Variants in DCDC1 observed in about 807,000 individuals in gnomAD.
The protein encoded by DCDC1 is doublecortin domain containing 1.
A neutral mutation model predicts 178.3 loss-of-function variants in DCDC1; 200 were observed. The observed-to-expected ratio is 1.12, with a 90% confidence interval of 1.00 to 1.26. The LOEUF is 1.26. DCDC1 is among the 50% of genes most tolerant of loss of function. The pLI is 0.00. For synonymous variants in DCDC1, 690 were observed against 604.8 expected, an observed-to-expected ratio of 1.14 and a Z score of -2.07; for missense variants, 1,983 against 1,749.2, an observed-to-expected ratio of 1.13 and a Z score of -2.38.
intron 13 of DCDC1, among the ~76,000 whole-genome samples, chr11:31,105,095 A>G (rs1198769545): frequency 6.6e-6 from 1 of 152,080 alleles, no homozygotes; most frequent in African/African-American, 2.4e-5. Flanking sequence ...CATATTTCAA[A>G]CTAGACGGCA....
Position 31,355,577 on chromosome 11 carries a change from C to CT in DCDC1, c.-125+14119dup, listed in dbSNP as rs1321808086. ...GATCTTAACATTCTTTTTCTTTTTT[C>CT]TTTTTTTTAAGTCAGAGTCTTGCTC... On this transcript the variant is annotated intron_variant, in intron 1 of 38. Coordinates refer to ENST00000684477, the MANE Select transcript of DCDC1 (RefSeq NM_001387274.1). Among the ~76,000 whole-genome samples the CT allele has an allele frequency of 5.9e-5, 9 of 151,532 alleles. No homozygotes were observed. In the East Asian group the frequency reaches 1.2e-3, roughly 20 times the overall value.
chr11:31,088,668 C>A (rs891552710), intron 17 of DCDC1, among the ~76,000 whole-genome samples: 3 of 151,968 alleles, frequency 2.0e-5, no homozygotes, highest in South Asian at 2.1e-4. Context: ...TTGCTTTAAA[C>A]AATCAATTAT....
chr11:31,327,718 A>C (rs971311809), intron 3 of DCDC1, among the ~76,000 whole-genome samples: 6 of 151,992 alleles, frequency 3.9e-5, no homozygotes, highest in Admixed American at 1.3e-4. Flanking sequence ...TTACTTATTT[A>C]TATCACCTGT....
At chr11:31,289,822 C>A (rs778515046) in intron 7 of DCDC1, among the ~76,000 whole-genome samples, 14 of 151,980 alleles carry the variant, frequency 9.2e-5, no homozygotes, top group Non-Finnish European at 2.1e-4. Flanking sequence ...GAAACTGAGG[C>A]TCAGGGAAAC....
At chr11:31,245,213 T>C (rs1361245012) in intron 8 of DCDC1, among the ~76,000 whole-genome samples, 7 of 151,550 alleles carry the variant, frequency 4.6e-5, no homozygotes, top group Non-Finnish European at 3.0e-5. Flanking sequence ...TTTTTTTTCT[T>C]ATTGATTTGT....
chr11:31,272,532 C>T (rs989184806), intron 7 of DCDC1, among the ~76,000 whole-genome samples: 3 of 152,224 alleles, frequency 2.0e-5, no homozygotes, highest in African/African-American at 7.2e-5. Context: ...TAATTACTCT[C>T]TAGATAAAAT....
At chr11:30,906,955 G>C (rs1378748242) in intron 29 of DCDC1, among the ~76,000 whole-genome samples, 1 of 152,096 alleles carries the variant, frequency 6.6e-6, no homozygotes, top group African/African-American at 2.4e-5. Flanking sequence ...TATAAACTAT[G>C]TGCAAAATCA....
intron 27 of DCDC1, among the ~76,000 whole-genome samples, chr11:30,912,530 A>G (rs1474845482): frequency 2.0e-5 from 3 of 152,014 alleles, no homozygotes; most frequent in African/African-American, 7.2e-5. Context: ...TGATCCTCCC[A>G]CCTCAGCCTC....
intron 1 of DCDC1, among the ~76,000 whole-genome samples, chr11:31,363,675 T>C (rs2133402189): frequency 6.6e-6 from 1 of 152,322 alleles, no homozygotes; most frequent in Non-Finnish European, 1.5e-5. Context: ...TCTAATTGAC[T>C]TAAACAGACT....
intron 20 of DCDC1, among the ~76,000 whole-genome samples, chr11:31,039,565 C>T (rs1954299002): frequency 6.6e-6 from 1 of 152,022 alleles, no homozygotes; most frequent in Non-Finnish European, 1.5e-5. Context: ...ACATGGTAGG[C>T]ACTTGGTACA....
At chr11:31,369,425 T>C (rs370000260) in intron 1 of DCDC1, among the ~76,000 whole-genome samples, 5 of 152,354 alleles carry the variant, frequency 3.3e-5, no homozygotes, top group African/African-American at 1.2e-4. Context: ...GTAAAGGAAC[T>C]GTAGGGACGA....
intron 17 of DCDC1, among the ~76,000 whole-genome samples, chr11:31,090,791 A>G (rs1185751227): frequency 6.6e-6 from 1 of 152,206 alleles, no homozygotes; most frequent in African/African-American, 2.4e-5. Flanking sequence ...GTATGATAGA[A>G]ATTGTTTTTT....
intron 4 of DCDC1, among the ~76,000 whole-genome samples, chr11:31,307,158 G>C (rs1028378570): frequency 6.6e-6 from 1 of 151,918 alleles, no homozygotes; most frequent in Non-Finnish European, 1.5e-5. Flanking sequence ...GAAAATAGTG[G>C]GGTATTAGTT....
At chr11:31,105,999 A>C (rs1958819450) in intron 13 of DCDC1, among the ~76,000 whole-genome samples, 1 of 152,222 alleles carries the variant, frequency 6.6e-6, no homozygotes, top group Non-Finnish European at 1.5e-5. Context: ...TTTCCTGACA[A>C]GCAGTTTCAG....
intron 9 of DCDC1, among the ~76,000 whole-genome samples, chr11:31,205,752 T>G (rs1180204519): frequency 6.6e-6 from 1 of 152,144 alleles, no homozygotes; most frequent in African/African-American, 2.4e-5. Context: ...AAATAAAAAT[T>G]TAAGGTGCCC....
chr11:31,021,715 TTAAGA>T (rs1952891946), intron 20 of DCDC1, among the ~76,000 whole-genome samples: 1 of 152,080 alleles, frequency 6.6e-6, no homozygotes, highest in African/African-American at 2.4e-5. Context: ...AACTACCTAC[TTAAGA>T]TAACTAATTT....
At chr11:31,180,128 C>T (rs896155546) in intron 9 of DCDC1, among the ~76,000 whole-genome samples, 7 of 152,146 alleles carry the variant, frequency 4.6e-5, no homozygotes, top group Non-Finnish European at 8.8e-5. Context: ...AAGGAACATA[C>T]TTCAATGGGT....
At chr11:31,089,692 A>G (rs1000943998) in intron 17 of DCDC1, among the ~76,000 whole-genome samples, 1 of 143,604 alleles carries the variant, frequency 7.0e-6, no homozygotes, top group Admixed American at 7.0e-5. Flanking sequence ...GTTCACTGCT[A>G]TTTTCTTCCA....
chr11:31,315,646 CTTTTTTTT>C (rs59083470), intron 3 of DCDC1, among the ~76,000 whole-genome samples: 2 of 112,428 alleles, frequency 1.8e-5, no homozygotes, highest in Admixed American at 1.9e-4. Context: ...ATCTGCATAC[CTTTTTTTT>C]TTTTTTTTTT....
Sources: allele counts gnomAD v4.1 joint callset (sites outside exome capture counted in the v4.1 genomes callset), GRCh38; gene constraint gnomAD v4.1.1; transcripts MANE v1.5; gene names NCBI Gene and HGNC (gene_info 2026-07-23, HGNC 2026-07-21).